Variants in SNX29 observed in about 807,000 individuals in gnomAD.
SNX29 encodes sorting nexin-29.
A neutral mutation model predicts 102.1 loss-of-function variants in SNX29; 78 were observed. The observed-to-expected ratio is 0.76, with a 90% CI of 0.64 to 0.92. The LOEUF is 0.92. SNX29 is among the 40% of genes least tolerant of loss of function. The pLI, the probability that SNX29 is intolerant of heterozygous loss-of-function variation, is 0.00. For synonymous variants in SNX29, 580 were observed against 414.5 expected (o/e 1.40, Z -4.85); for missense variants, 1,280 against 1,061.7 (o/e 1.21, Z -2.86).
intron 3 of SNX29, among the ~76,000 whole-genome samples, chr16:12,014,732 C>CAAAA (rs201224471): frequency 1.4e-5 from 1 of 72,098 alleles, no homozygotes; most frequent in Non-Finnish European, 2.5e-5. Context: ...AGCTCCGTCT[C>CAAAA]AAAAAAAAAA....
At chr16:12,263,058 TAGCC>T (rs775654011) in intron 14 of SNX29, among the ~76,000 whole-genome samples, 16 of 152,152 alleles carry the variant, frequency 1.1e-4, no homozygotes, top group Admixed American at 2.6e-4. Flanking sequence ...GCTGGGCACT[TAGCC>T]AGCCTCCAGT....
chr16:12,505,534 T>C (rs2089333313), intron 19 of SNX29, among the ~76,000 whole-genome samples: 1 of 152,174 alleles, frequency 6.6e-6, no homozygotes, highest in South Asian at 2.1e-4. Flanking sequence ...TATTCGAGGT[T>C]TGCAACATGA....
Position 12,572,369 on chromosome 16 carries a change from C to T in SNX29, c.*3740C>T, listed in dbSNP as rs562688872. On this transcript the variant is annotated 3_prime_UTR_variant, in exon 21 of 21. Transcript: ENST00000566228. ...GTTGATGGACAGCAGGCTCTGCCTT[C>T]TGGAGGCGGCTTATATCCCAACAGC... The T allele has an allele frequency of 4.2e-5, 45 of 1,063,086 alleles. No individual in the cohort carries two copies. The highest frequency in any genetic ancestry group is 5.4e-5 in the Admixed American group (1 of 18,680). 65.9% of individuals were successfully genotyped at this position (1,063,086 alleles called of 1,614,324 possible). A position where few individuals can be genotyped will look rare whatever the true frequency, so the allele number is the denominator to read the frequency against.
At chr16:12,223,787 A>G (rs763447373) in intron 14 of SNX29, among the ~76,000 whole-genome samples, 5 of 152,150 alleles carry the variant, frequency 3.3e-5, no homozygotes, top group Non-Finnish European at 5.9e-5. Flanking sequence ...GGACCTTTTC[A>G]TCTGTCATCA....
chr16:12,098,828 C>CT lies in SNX29; in HGVS notation c.1402+19914dup, dbSNP rs1257086813. On this transcript the variant is annotated intron_variant, in intron 11 of 20. Transcript: ENST00000566228. This position sits in a 1 kb window ranked among gnomAD's most constrained non-coding sequence, Gnocchi z 6.0. ...CTAACAGTCAGAGGTAGAGACCCCC[C>CT]TCAGGGCAGTTCCTGAGCACACCTT... is the stretch of plus-strand genomic sequence containing the variant. Among the ~76,000 whole-genome samples, 1 of 152,218 alleles carries CT rather than the reference C, an allele frequency of 6.6e-6. No individual in the cohort carries two copies. Among genetic ancestry groups the CT allele is most frequent in the Non-Finnish European group, 1.5e-5 (1 of 68,042 alleles).
chr16:12,330,830 G>A (rs1159320322), intron 15 of SNX29, among the ~76,000 whole-genome samples: 2 of 150,646 alleles, frequency 1.3e-5, no homozygotes, highest in African/African-American at 4.9e-5. Context: ...GAGGAGTTTG[G>A]GTGCAGCTTC....
chr16:12,418,674 C>T (rs370868771), intron 18 of SNX29, among the ~76,000 whole-genome samples: 8 of 152,100 alleles, frequency 5.3e-5, no homozygotes, highest in African/African-American at 1.7e-4. Context: ...GCCACCGTGC[C>T]CAGCTAATTT....
intron 11 of SNX29, among the ~76,000 whole-genome samples, chr16:12,126,400 C>A (rs984862249): frequency 6.6e-6 from 1 of 152,220 alleles, no homozygotes. Flanking sequence ...TGCTAACTTG[C>A]CCGAGCTGCA....
chr16:12,557,027 C>T (rs987459537), intron 20 of SNX29, among the ~76,000 whole-genome samples: 1 of 20,524 alleles, frequency 4.9e-5, no homozygotes, highest in Non-Finnish European at 1.6e-4. Flanking sequence ...CCCCCCCCCG[C>T]CCCAAGATGA....
At chr16:12,370,296 C>A (rs565666503) in intron 16 of SNX29, among the ~76,000 whole-genome samples, 1 of 151,902 alleles carries the variant, frequency 6.6e-6, no homozygotes, top group Admixed American at 6.6e-5. Flanking sequence ...TGCGGTGGCT[C>A]ACACCTGTAA....
chr16:12,196,738 A>G (rs147156677), intron 13 of SNX29, among the ~76,000 whole-genome samples: 2,330 of 148,588 alleles, frequency 0.016, 44 homozygotes, highest in African/African-American at 0.055. Context: ...CTTCTGCCTC[A>G]GCCTCTTTAG....
chr16:12,555,840 C>G (rs1038907596), intron 20 of SNX29, among the ~76,000 whole-genome samples: 1 of 152,030 alleles, frequency 6.6e-6, no homozygotes, highest in African/African-American at 2.4e-5. Flanking sequence ...ACTGACCAAC[C>G]CCCCTCACCA....
intron 3 of SNX29, among the ~76,000 whole-genome samples, chr16:12,024,230 C>A (rs111699966): frequency 0.048 from 7,230 of 152,052 alleles, 254 homozygotes; most frequent in East Asian, 0.1. Flanking sequence ...CCTCCGCCTC[C>A]CGGATTCATG....
chr16:12,560,311 A>G lies in SNX29; in HGVS notation c.2319-8195A>G, dbSNP rs141775345. On this transcript the variant is annotated intron_variant, in intron 20 of 20. Coordinates refer to ENST00000566228, the MANE Select transcript of SNX29 (RefSeq NM_032167.5). ...TTATTGAAAGCACACTCAAAATGTCATGAAAAAATAATGCTGGGTTTACCG... is the reference window on the plus strand; with the variant it reads ...TTATTGAAAGCACACTCAAAATGTCGTGAAAAAATAATGCTGGGTTTACCG... Among the ~76,000 whole-genome samples the G allele has an allele frequency of 7.3e-3, 1,113 of 152,274 alleles. 7 individuals are homozygous for G. The highest frequency in any genetic ancestry group is 0.051 in the Middle Eastern group (15 of 294).
chr16:11,991,443 C>T (rs903288745), intron 1 of SNX29, among the ~76,000 whole-genome samples: 10 of 152,046 alleles, frequency 6.6e-5, no homozygotes, highest in African/African-American at 2.4e-4. Context: ...GACAGGGGTG[C>T]AGGAGGGGCC....
At chr16:12,079,878 A>G (rs1000832212) in intron 11 of SNX29, among the ~76,000 whole-genome samples, 2 of 152,172 alleles carry the variant, frequency 1.3e-5, no homozygotes, top group East Asian at 1.9e-4. Context: ...GACTTCGTCT[A>G]TTTCTACATA....
intron 18 of SNX29, among the ~76,000 whole-genome samples, chr16:12,453,350 A>G (rs2151723991): frequency 6.6e-6 from 1 of 152,326 alleles, no homozygotes; most frequent in African/African-American, 2.4e-5. Context: ...GTAGCTCTAG[A>G]CTTGGCAGGT....
rs1429390393 is a variant in SNX29 at position 12,571,505 on chromosome 16, C to T, written c.*2876C>T. 1 of 556,330 alleles carries T rather than the reference C, an allele frequency of 1.8e-6. No individual in the cohort carries two copies. Among genetic ancestry groups the T allele is most frequent in the Non-Finnish European group, 2.4e-6 (1 of 414,592 alleles). The allele number at this position is 556,330 out of a possible 1,614,324, so 34.5% of individuals were successfully genotyped here. A position where few individuals can be genotyped will look rare whatever the true frequency, so the allele number is the denominator to read the frequency against. ...AGAGAGGAACGAGGGTGGCCCACCT[C>T]TCAAGGGCCTTGGATTCCTGGGACC... On this transcript the variant is annotated 3_prime_UTR_variant, in exon 21 of 21. Coordinates refer to ENST00000566228, the MANE Select transcript of SNX29 (RefSeq NM_032167.5).
intron 13 of SNX29, among the ~76,000 whole-genome samples, chr16:12,198,672 G>T (rs944268246): frequency 3.3e-5 from 5 of 152,204 alleles, no homozygotes; most frequent in Non-Finnish European, 7.3e-5. Flanking sequence ...GAGTCCTTGT[G>T]GGCCTTGGGG....
Sources: allele counts gnomAD v4.1 joint callset (sites outside exome capture counted in the v4.1 genomes callset), GRCh38; gene constraint gnomAD v4.1.1; non-coding constraint Gnocchi (gnomAD v3.1); transcripts MANE v1.5; gene names NCBI Gene and HGNC (gene_info 2026-07-23, HGNC 2026-07-21).